TRPM3: variants seen among roughly 807,000 people sequenced by gnomAD.
TRPM3 encodes long transient receptor potential channel 3.
Under a neutral mutation model 181.2 loss-of-function variants are expected in TRPM3, and 77 were observed. The ratio of observed to expected loss-of-function variants is 0.42; its 90% CI spans 0.35 to 0.51. TRPM3 has a LOEUF of 0.51. Ranked by LOEUF, TRPM3 falls within the 20% of genes least tolerant of loss-of-function variation. TRPM3 has a pLI of 0.01. For missense variants in TRPM3, 1,759 were observed against 2,196.7 expected (o/e 0.80, Z 3.98); for synonymous variants, 745 against 796.4 (o/e 0.94, Z 1.09).
At chr9:70,761,506 A>G (rs1435262114) in intron 8 of TRPM3, 95 bp downstream of exon 8, 7 of 1,579,034 alleles carry the variant, frequency 4.4e-6, no homozygotes, top group Non-Finnish European at 6.1e-6. Context: ...TCGGCCAGAA[A>G]GAGAGAATGT....
chr9:71,209,125 C>T (rs146909204), intron 1 of TRPM3, among the ~76,000 whole-genome samples: 9 of 151,958 alleles, frequency 5.9e-5, no homozygotes, highest in Admixed American at 2.6e-4. Context: ...CAAATAGATG[C>T]CTCGTTTATA....
At chr9:71,183,685 C>T (rs2077524964) in intron 1 of TRPM3, among the ~76,000 whole-genome samples, 1 of 152,080 alleles carries the variant, frequency 6.6e-6, no homozygotes, top group Non-Finnish European at 1.5e-5. Flanking sequence ...CCCTTCTTGA[C>T]TTTCTATCAC....
intron 22 of TRPM3, among the ~76,000 whole-genome samples, chr9:70,589,156 G>A (rs1382130571): frequency 2.0e-5 from 3 of 152,196 alleles, no homozygotes; most frequent in Non-Finnish European, 4.4e-5. Flanking sequence ...CTATTTTCAT[G>A]TTTCACTCAC....
chr9:70,863,010 G>C lies in TRPM3; in HGVS notation c.360C>G (p.Ile120Met). 6.2e-7 allele frequency: 1 copy of C among 1,613,674 alleles called. No individual in the cohort carries two copies. The highest frequency in any genetic ancestry group is 8.5e-7 in the Non-Finnish European group (1 of 1,179,726). ...KNESRLSRND[I>M]QSEKWSISKH... is the part of the protein sequence containing the mutation. Reference sequence around the variant, plus strand: ...TGCTGATGGACCACTTTTCAGACTGGATGTCATTTCGGGAGAGGCGACTTT... The same window carrying C: ...TGCTGATGGACCACTTTTCAGACTGCATGTCATTTCGGGAGAGGCGACTTT... Residue 120 changes from isoleucine (I) to methionine (M), a missense_variant, in exon 3 of 26, where the codon ATC (isoleucine) becomes ATG (methionine). Around this residue, in one of 8 missense-constraint regions of TRPM3, gnomAD observed 737 missense variants for 957.4 expected, o/e 0.77. Transcript: ENST00000677713.
chr9:71,081,223 A>G (rs1006309800), intron 1 of TRPM3, among the ~76,000 whole-genome samples: 1 of 152,220 alleles, frequency 6.6e-6, no homozygotes, highest in African/African-American at 2.4e-5. Context: ...CTGGAAAGAC[A>G]GGATATAGTC....
At chr9:70,597,219 C>T (rs2059177310) in intron 21 of TRPM3, among the ~76,000 whole-genome samples, 1 of 152,104 alleles carries the variant, frequency 6.6e-6, no homozygotes, top group African/African-American at 2.4e-5. Flanking sequence ...AGGTGTGAGC[C>T]ACCATGCCCG....
At chr9:71,048,479 C>T (rs940134344) in intron 1 of TRPM3, among the ~76,000 whole-genome samples, 8 of 152,164 alleles carry the variant, frequency 5.3e-5, no homozygotes, top group Non-Finnish European at 7.3e-5. Context: ...TAGTCCAATC[C>T]GTCTTCCCCA....
intron 1 of TRPM3, among the ~76,000 whole-genome samples, chr9:70,924,240 G>A (rs1564773231): frequency 6.6e-6 from 1 of 152,022 alleles, no homozygotes; most frequent in Admixed American, 6.6e-5. Context: ...ATAGCAACAA[G>A]GCTGATATAA....
chr9:70,905,418 T>C (rs1033219251), intron 1 of TRPM3, among the ~76,000 whole-genome samples: 3 of 152,126 alleles, frequency 2.0e-5, no homozygotes, highest in Non-Finnish European at 2.9e-5. Context: ...ACTGTTAACA[T>C]CTTACAGAAG....
At chr9:71,072,636 G>T (rs1338558940) in intron 1 of TRPM3, among the ~76,000 whole-genome samples, 1 of 152,170 alleles carries the variant, frequency 6.6e-6, no homozygotes, top group African/African-American at 2.4e-5. Flanking sequence ...AGCTTGTGCA[G>T]TAATAGTGCC....
intron 1 of TRPM3, among the ~76,000 whole-genome samples, chr9:71,014,222 C>A (rs911605695): frequency 4.6e-5 from 7 of 151,792 alleles, no homozygotes; most frequent in Non-Finnish European, 8.8e-5. Context: ...CCAAGTGGGG[C>A]ATTTTTGTTA....
At chr9:71,385,560 C>T (rs1019485175) in intron 1 of TRPM3, among the ~76,000 whole-genome samples, 1 of 152,172 alleles carries the variant, frequency 6.6e-6, no homozygotes, top group Non-Finnish European at 1.5e-5. Flanking sequence ...TCCAGTTTTT[C>T]ACAATCATGT....
At chr9:71,042,230 T>C (rs1036450147) in intron 1 of TRPM3, among the ~76,000 whole-genome samples, 1 of 152,074 alleles carries the variant, frequency 6.6e-6, no homozygotes, top group African/African-American at 2.4e-5. Flanking sequence ...GAAAGGGCAA[T>C]GGTCAAATAT....
intron 1 of TRPM3, among the ~76,000 whole-genome samples, chr9:71,008,199 C>T (rs2097700166): frequency 6.6e-6 from 1 of 151,920 alleles, no homozygotes; most frequent in African/African-American, 2.4e-5. Context: ...ACACATACAA[C>T]CTACCAAGAT....
At chr9:71,006,409 A>T (rs562449677) in intron 1 of TRPM3, among the ~76,000 whole-genome samples, 58 of 149,306 alleles carry the variant, frequency 3.9e-4, no homozygotes, top group African/African-American at 1.4e-3. Flanking sequence ...TGAATGGATT[A>T]AAAAAAAAAC....
chr9:70,620,813 G>T lies in TRPM3; in HGVS notation c.1839+431C>A, dbSNP rs372178518. ...TCAAGTTTCTGAATACCTATTAGAT[G>T]CATTTCTGAAGTAGTTCTGGCCTTT... On this transcript the variant is annotated intron_variant, in intron 15 of 25. Coordinates refer to ENST00000677713, the MANE Select transcript of TRPM3 (RefSeq NM_001366145.2). 1.5e-4 allele frequency among the ~76,000 whole-genome samples: 23 copies of T among 151,956 alleles called. No individual in the cohort carries two copies. The East Asian group carries it at 3.9e-3, about 26-fold the overall frequency.
At chr9:70,550,103 A>C (rs2046107361) in intron 24 of TRPM3, among the ~76,000 whole-genome samples, 1 of 152,186 alleles carries the variant, frequency 6.6e-6, no homozygotes, top group Non-Finnish European at 1.5e-5. Flanking sequence ...CTTTCCTGCT[A>C]CTGAGCTTAG....
chr9:70,884,170 T>G (rs1270421763), intron 1 of TRPM3, among the ~76,000 whole-genome samples: 1 of 152,198 alleles, frequency 6.6e-6, no homozygotes, highest in African/African-American at 2.4e-5. Context: ...TAACAATCCC[T>G]TCCAGGGACA....
chr9:71,394,369 G>C (rs1007398854), intron 1 of TRPM3, among the ~76,000 whole-genome samples: 3 of 152,012 alleles, frequency 2.0e-5, no homozygotes, highest in African/African-American at 7.2e-5. Context: ...TCCTTGGTGA[G>C]GTAATTTTTA....
Sources: gnomAD v4.1 joint callset for allele counts (sites outside exome capture counted in the v4.1 genomes callset) on GRCh38, gnomAD v4.1.1 for gene constraint, gnomAD v4.1.1 regional missense constraint, MANE v1.5 for transcripts, NCBI Gene and HGNC (gene_info 2026-07-23, HGNC 2026-07-21) for gene names.